GRID1: variants seen among roughly 807,000 people sequenced by gnomAD.
GRID1 encodes glutamate receptor ionotropic, delta-1.
Under a neutral mutation model 98.0 loss-of-function variants are expected in GRID1, and 28 were observed. The ratio of observed to expected loss-of-function variants is 0.29; its 90% confidence interval spans 0.21 to 0.39. The LOEUF (loss-of-function observed/expected upper bound fraction) is 0.39, where lower values mean the gene tolerates loss of function less well. GRID1 is among the 10% of genes least tolerant of loss of function. The pLI is 1.00. For synonymous variants in GRID1, 553 were observed against 538.5 expected (o/e 1.03, Z -0.37); for missense variants, 1,111 against 1,340.5 (o/e 0.83, Z 2.67).
chr10:85,977,527 A>G (rs1352250471), intron 4 of GRID1, among the ~76,000 whole-genome samples: 2 of 152,210 alleles, frequency 1.3e-5, no homozygotes, highest in Non-Finnish European at 2.9e-5. Context: ...AATATGAAAA[A>G]CAAGGGCATA....
intron 2 of GRID1, among the ~76,000 whole-genome samples, chr10:86,324,900 G>C (rs1848025952): frequency 6.6e-6 from 1 of 151,492 alleles, no homozygotes; most frequent in Non-Finnish European, 1.5e-5. Context: ...ACAACACCTA[G>C]CAAAAAATAA....
At chr10:86,023,713 T>C (rs889259077) in intron 4 of GRID1, among the ~76,000 whole-genome samples, 2 of 152,148 alleles carry the variant, frequency 1.3e-5, no homozygotes, top group African/African-American at 4.8e-5. Context: ...CCCTGAATCA[T>C]GTATGATTTA....
At chr10:86,278,246 T>C (rs1164587181) in intron 2 of GRID1, among the ~76,000 whole-genome samples, 3 of 151,880 alleles carry the variant, frequency 2.0e-5, no homozygotes, top group Non-Finnish European at 4.4e-5. Flanking sequence ...AAAAAAGAAG[T>C]GGGGTGGCTA....
chr10:86,029,979 A>G (rs1379621028), intron 4 of GRID1, among the ~76,000 whole-genome samples: 1 of 152,250 alleles, frequency 6.6e-6, no homozygotes, highest in African/African-American at 2.4e-5. Flanking sequence ...TACTATTTGC[A>G]GTAGAGCTAT....
chr10:85,880,729 C>G (rs909712896), intron 5 of GRID1, among the ~76,000 whole-genome samples: 39 of 152,192 alleles, frequency 2.6e-4, no homozygotes, highest in African/African-American at 8.2e-4. Flanking sequence ...GGGATGCCCC[C>G]TCTCACCACT....
intron 4 of GRID1, among the ~76,000 whole-genome samples, chr10:86,048,645 G>C (rs1395494267): frequency 6.6e-6 from 1 of 152,248 alleles, no homozygotes; most frequent in East Asian, 1.9e-4. Context: ...CTGGAGCCAG[G>C]GTTCTGGGTG....
rs60119755 is a variant in GRID1, at chr10:85,895,001, CAAA to C, written c.780+21182_780+21184del. On this transcript the variant is annotated intron_variant, in intron 5 of 15. Transcript: ENST00000327946. ...ACAGCCTTCAACAAACTGGGACTCT[CAAA>C]AAAAAAAAAAAAATATATATATATA... 4.3e-3 allele frequency among the ~76,000 whole-genome samples: 450 copies of C among 103,876 alleles called. 1 individual carries two copies. The highest frequency in any genetic ancestry group is 0.01 in the Middle Eastern group (2 of 194). 68.1% of individuals were successfully genotyped at this position (103,876 alleles called of 152,430 possible). A position where few individuals can be genotyped will look rare whatever the true frequency, so the allele number is the denominator to read the frequency against.
intron 8 of GRID1, among the ~76,000 whole-genome samples, chr10:85,844,904 G>C (rs1842992421): frequency 6.6e-6 from 1 of 151,782 alleles, no homozygotes; most frequent in Non-Finnish European, 1.5e-5. Flanking sequence ...ACTCATTCTT[G>C]ATAACACTAT....
Position 85,670,772 on chromosome 10 carries a change from C to A in GRID1, c.1998-23375G>T, listed in dbSNP as rs74402759. 4.9e-4 allele frequency among the ~76,000 whole-genome samples: 75 copies of A among 152,274 alleles called. No individual in the cohort carries two copies. The East Asian group carries it at 0.013, about 26-fold the overall frequency. ...TCTGGAAACTGCCCTGACCTACATG[C>A]CCAACTTGACAATGCTTGACCATGG... On this transcript the variant is annotated intron_variant, in intron 12 of 15. Coordinates refer to ENST00000327946, the MANE Select transcript of GRID1 (RefSeq NM_017551.3).
At chr10:85,798,938 A>T (rs1420676813) in intron 8 of GRID1, among the ~76,000 whole-genome samples, 1 of 151,992 alleles carries the variant, frequency 6.6e-6, no homozygotes, top group Non-Finnish European at 1.5e-5. Flanking sequence ...GACCAATGTC[A>T]TGAAGTGTTT....
At chr10:85,612,959 G>A (rs549383848) in intron 15 of GRID1, 1 of 158,836 alleles carries the variant, frequency 6.3e-6, no homozygotes, top group Middle Eastern at 3.2e-3. Context: ...GGAGTGCTGG[G>A]AGGGACAGGG....
intron 14 of GRID1, 134 bp downstream of exon 14, chr10:85,619,733 G>T: frequency 1.5e-6 from 1 of 681,912 alleles, no homozygotes; most frequent in Non-Finnish European, 2.5e-6. Context: ...GAAGCAGTGG[G>T]ACATAGTATG....
intron 12 of GRID1, among the ~76,000 whole-genome samples, chr10:85,715,872 G>T (rs1030349785): frequency 1.3e-5 from 2 of 151,848 alleles, no homozygotes; most frequent in Admixed American, 1.3e-4. Flanking sequence ...GTTCATTGCA[G>T]CATTATTAGA....
chr10:85,881,385 T>G (rs1297534190), intron 5 of GRID1, among the ~76,000 whole-genome samples: 1 of 152,148 alleles, frequency 6.6e-6, no homozygotes, highest in Non-Finnish European at 1.5e-5. Context: ...ACTACAAGGC[T>G]ACAGTCACCA....
At chr10:85,737,657 T>C (rs1841897513) in intron 8 of GRID1, among the ~76,000 whole-genome samples, 2 of 131,888 alleles carry the variant, frequency 1.5e-5, no homozygotes, top group African/African-American at 2.9e-5. Flanking sequence ...TATATATATA[T>C]ATATATATAT....
intron 3 of GRID1, among the ~76,000 whole-genome samples, chr10:86,173,825 G>A: frequency 6.8e-6 from 1 of 147,932 alleles, no homozygotes; most frequent in Admixed American, 6.9e-5. Context: ...AATATGCGGT[G>A]TTTGGTTTTT....
intron 2 of GRID1, among the ~76,000 whole-genome samples, chr10:86,319,992 T>C (rs1847947748): frequency 6.6e-6 from 1 of 152,170 alleles, no homozygotes; most frequent in Non-Finnish European, 1.5e-5. Flanking sequence ...CTGCTGCACC[T>C]CCATAAGCAC....
chr10:86,106,538 A>G (rs1844389580), intron 4 of GRID1, among the ~76,000 whole-genome samples: 3 of 137,614 alleles, frequency 2.2e-5, no homozygotes, highest in Non-Finnish European at 3.2e-5. Context: ...GGGATGGGAG[A>G]ATGGGCCTGC....
chr10:85,906,973 A>G (rs1167872803), intron 5 of GRID1, among the ~76,000 whole-genome samples: 1 of 152,346 alleles, frequency 6.6e-6, no homozygotes, highest in East Asian at 1.9e-4. Context: ...TAAACCTCCA[A>G]TCAGACTGAT....
Sources: allele counts gnomAD v4.1 joint callset (sites outside exome capture counted in the v4.1 genomes callset), GRCh38; gene constraint gnomAD v4.1.1; transcripts MANE v1.5; gene names NCBI Gene and HGNC (gene_info 2026-07-23, HGNC 2026-07-21).